NAALADL2: variants seen among roughly 807,000 people sequenced by gnomAD.
NAALADL2 encodes inactive N-acetylated-alpha-linked acidic dipeptidase-like protein 2.
NAALADL2 carries 76 observed loss-of-function variants against 87.2 expected under a neutral mutation model. The observed-to-expected ratio is 0.87, with a 90% CI of 0.72 to 1.05. The LOEUF (loss-of-function observed/expected upper bound fraction) is 1.05. NAALADL2 is among the 50% of genes least tolerant of loss of function. The pLI is 0.00. For missense variants in NAALADL2, 1,089 were observed against 945.8 expected, an observed-to-expected ratio of 1.15 and a Z score of -1.99; for synonymous variants, 354 against 331.0, an observed-to-expected ratio of 1.07 and a Z score of -0.75.
chr3:175,087,351 G>A (rs1044258008), intron 1 of NAALADL2, among the ~76,000 whole-genome samples: 3 of 151,874 alleles, frequency 2.0e-5, no homozygotes, highest in Admixed American at 6.6e-5. Flanking sequence ...CTGCACGGCC[G>A]CCCCGTCTGG....
chr3:175,311,328 A>G (rs1213514941), intron 4 of NAALADL2, among the ~76,000 whole-genome samples: 2 of 151,970 alleles, frequency 1.3e-5, no homozygotes, highest in African/African-American at 2.4e-5. Context: ...ATAAAGTCAC[A>G]TTATTATTTT....
intron 1 of NAALADL2, among the ~76,000 whole-genome samples, chr3:174,939,261 A>G (rs78533725): frequency 0.041 from 6,271 of 151,938 alleles, 435 homozygotes; most frequent in African/African-American, 0.14. Flanking sequence ...GGTTGAATAA[A>G]GAGTCTTTTT....
At chr3:175,219,864 C>CTTTTTTTTTTTT (rs1320578074) in intron 2 of NAALADL2, among the ~76,000 whole-genome samples, 2 of 118,710 alleles carry the variant, frequency 1.7e-5, no homozygotes, top group African/African-American at 3.6e-5. Flanking sequence ...TTGTGGTTTT[C>CTTTTTTTTTTTT]TTTCTTTTTT....
intron 2 of NAALADL2, among the ~76,000 whole-genome samples, chr3:175,206,861 C>T (rs983511933): frequency 1.3e-5 from 2 of 152,028 alleles, no homozygotes; most frequent in African/African-American, 4.8e-5. Context: ...CTAGCTCAGT[C>T]AACTTCTTTT....
chr3:174,880,962 A>C (rs575727019), intron 1 of NAALADL2, among the ~76,000 whole-genome samples: 2 of 152,214 alleles, frequency 1.3e-5, no homozygotes, highest in African/African-American at 4.8e-5. Flanking sequence ...GAAGAACTCT[A>C]ATATCTGCCA....
chr3:175,480,642 C>T lies in NAALADL2; in HGVS notation c.1653+8884C>T, dbSNP rs1407017785. 2.0e-5 allele frequency among the ~76,000 whole-genome samples: 3 copies of T among 151,678 alleles called. No individual in the cohort carries two copies. In the East Asian group the frequency reaches 5.8e-4, roughly 29 times the overall value. ...TTATGTTTTACATAAAGTTGTCAAC[C>T]TTGAAATAAAATAGTTTTTTCTGGC... On this transcript the variant is annotated intron_variant, in intron 9 of 13. Transcript: ENST00000454872.
intron 2 of NAALADL2, among the ~76,000 whole-genome samples, chr3:175,217,771 C>T (rs1273051989): frequency 6.6e-6 from 1 of 152,112 alleles, no homozygotes; most frequent in Non-Finnish European, 1.5e-5. Flanking sequence ...CTTAAGAAGC[C>T]AAACAAGGAT....
At chr3:175,111,104 A>G (rs1392283817) in intron 2 of NAALADL2, among the ~76,000 whole-genome samples, 1 of 151,740 alleles carries the variant, frequency 6.6e-6, no homozygotes, top group Non-Finnish European at 1.5e-5. Flanking sequence ...ATGACTATTC[A>G]GCTATTCAAA....
intron 1 of NAALADL2, among the ~76,000 whole-genome samples, chr3:174,441,988 C>G (rs917777614): frequency 6.6e-6 from 1 of 151,732 alleles, no homozygotes; most frequent in African/African-American, 2.4e-5. Context: ...TTTAACCACC[C>G]GAGAACCTTA....
At position 175,655,301 on chromosome 3, in the gene NAALADL2, T is replaced by A. The variant is rs536891835; in HGVS notation, c.1896+27915T>A. ...TAGGTGAGTATCTACATATATTTCA[T>A]GCATTATTGACATAAATAACTTTTT... On this transcript the variant is annotated intron_variant, in intron 11 of 13. Coordinates refer to ENST00000454872, the MANE Select transcript of NAALADL2 (RefSeq NM_207015.3). Among the ~76,000 whole-genome samples, 9 of 152,298 alleles carry A rather than the reference T, an allele frequency of 5.9e-5. No individual in the cohort carries two copies. The South Asian group carries it at 6.2e-4, about 11-fold the overall frequency.
At chr3:174,882,860 CAT>C (rs150740594) in intron 1 of NAALADL2, among the ~76,000 whole-genome samples, 161 of 111,058 alleles carry the variant, frequency 1.4e-3, no homozygotes, top group African/African-American at 6.5e-3. Context: ...TGTATATATA[CAT>C]ATGTGTATAT....
intron 2 of NAALADL2, among the ~76,000 whole-genome samples, chr3:174,706,713 T>C (rs1383351345): frequency 6.6e-6 from 1 of 152,238 alleles, no homozygotes. Context: ...TCCTTGCCCA[T>C]GCCTATACCC....
intron 2 of NAALADL2, among the ~76,000 whole-genome samples, chr3:174,681,672 G>T (rs1727552375): frequency 6.6e-6 from 1 of 152,194 alleles, no homozygotes; most frequent in African/African-American, 2.4e-5. Flanking sequence ...TGATCCTTGA[G>T]TGAGACTCTG....
intron 5 of NAALADL2, among the ~76,000 whole-genome samples, chr3:175,426,485 A>G (rs985995067): frequency 5.9e-5 from 9 of 152,202 alleles, no homozygotes; most frequent in Non-Finnish European, 8.8e-5. Context: ...TTCTATTTCT[A>G]TATAGAATCA....
At chr3:174,831,443 T>A (rs1325271778) in intron 3 of NAALADL2, among the ~76,000 whole-genome samples, 5 of 140,642 alleles carry the variant, frequency 3.6e-5, no homozygotes, top group Non-Finnish European at 6.2e-5. Context: ...CAGCCTTGCA[T>A]CCCAGGGATG....
intron 5 of NAALADL2, among the ~76,000 whole-genome samples, chr3:175,356,260 G>T (rs1305894820): frequency 6.6e-6 from 1 of 151,966 alleles, no homozygotes; most frequent in South Asian, 2.1e-4. Flanking sequence ...GAATTTTAAG[G>T]AATGTCAATT....
intron 2 of NAALADL2, among the ~76,000 whole-genome samples, chr3:175,129,290 T>TTGTG (rs527842144): frequency 6.6e-6 from 1 of 151,146 alleles, no homozygotes; most frequent in Admixed American, 6.6e-5. Flanking sequence ...AGTTACCATT[T>TTGTG]TGTGTGTGTG....
chr3:175,467,919 A>C, intron 8 of NAALADL2, among the ~76,000 whole-genome samples: 1 of 152,100 alleles, frequency 6.6e-6, no homozygotes, highest in East Asian at 1.9e-4. Flanking sequence ...TAGAAAGTCT[A>C]TTTACTTTTG....
intron 13 of NAALADL2, among the ~76,000 whole-genome samples, chr3:175,781,024 G>T (rs1374738541): frequency 6.6e-6 from 1 of 152,130 alleles, no homozygotes; most frequent in African/African-American, 2.4e-5. Flanking sequence ...TTTTTCTGAT[G>T]AGTAATATTT....
Sources: gnomAD v4.1 joint callset for allele counts (sites outside exome capture counted in the v4.1 genomes callset) on GRCh38, gnomAD v4.1.1 for gene constraint, MANE v1.5 for transcripts, NCBI Gene and HGNC (gene_info 2026-07-23, HGNC 2026-07-21) for gene names.